FAT4: variants seen among roughly 807,000 people sequenced by gnomAD.
FAT4 encodes the protein protocadherin Fat 4.
Under a neutral mutation model 303.9 loss-of-function variants are expected in FAT4, and 84 were observed. The observed-to-expected ratio is 0.28, with a 90% CI of 0.23 to 0.33. The LOEUF is 0.33. Ranked by LOEUF, FAT4 falls within the 10% of genes least tolerant of loss-of-function variation. The pLI is 1.00. For missense variants in FAT4, 6,005 were observed against 6,146.8 expected, an observed-to-expected ratio of 0.98 and a Z score of 0.77; for synonymous variants, 2,307 against 2,298.8, an observed-to-expected ratio of 1.00 and a Z score of -0.10.
At chr4:125,401,872 T>C (rs935126311) in intron 3 of FAT4, among the ~76,000 whole-genome samples, 6 of 151,984 alleles carry the variant, frequency 3.9e-5, no homozygotes, top group Non-Finnish European at 7.4e-5. Flanking sequence ...GAATTCCTTC[T>C]ATGTGCTTTT....
chr4:125,454,887 A>T (rs566570887), intron 10 of FAT4, among the ~76,000 whole-genome samples: 2 of 152,330 alleles, frequency 1.3e-5, no homozygotes, highest in Non-Finnish European at 1.5e-5. Context: ...CAGTAATTGC[A>T]GTCTAATTAG....
chr4:125,446,738 A>C (rs111673630), intron 9 of FAT4, among the ~76,000 whole-genome samples, 195 bp downstream of exon 9: 15 of 152,140 alleles, frequency 9.9e-5, no homozygotes, highest in African/African-American at 3.6e-4. Context: ...TTCTTGCTAG[A>C]CTAATTGTGT....
At chr4:125,435,606 G>T (rs1725423634) in intron 8 of FAT4, among the ~76,000 whole-genome samples, 1 of 152,138 alleles carries the variant, frequency 6.6e-6, no homozygotes, top group Admixed American at 6.6e-5. Flanking sequence ...TCTAAGAAAT[G>T]ACCTTTAAGC....
chr4:125,408,780 C>A lies in FAT4; in HGVS notation c.5906C>A (p.Thr1969Asn). ...VGSTVLVFNV[T>N]DADDGINSQL... ...TCTACTGTTCTTGTGTTTAATGTTA[C>A]TGATGCAGATGATGGTATGTATTTT... Residue 1969 changes from threonine (T) to asparagine (N), a missense_variant, in exon 5 of 18, where the codon ACT becomes AAT. Coordinates refer to ENST00000394329, the MANE Select transcript of FAT4 (RefSeq NM_001291303.3). 1 of 1,507,378 alleles carries A rather than the reference C, an allele frequency of 6.6e-7. No homozygotes were observed. The highest frequency in any genetic ancestry group is 9.0e-7 in the Non-Finnish European group (1 of 1,115,294). 93.4% of individuals were successfully genotyped at this position (1,507,378 alleles called of 1,614,324 possible). A position where few individuals can be genotyped will look rare whatever the true frequency, so the allele number is the denominator to read the frequency against.
intron 2 of FAT4, among the ~76,000 whole-genome samples, chr4:125,375,891 G>A (rs539964808): frequency 2.0e-5 from 3 of 152,082 alleles, no homozygotes; most frequent in Admixed American, 6.6e-5. Context: ...CTGACATTAT[G>A]CAAAACTGCA....
At chr4:125,468,429 A>G (rs1726742256) in intron 11 of FAT4, 83 bp from the exon 12 acceptor site, 2 of 1,020,412 alleles carry the variant, frequency 2.0e-6, no homozygotes, top group Non-Finnish European at 2.6e-6. Flanking sequence ...ATCTCATTTT[A>G]TAATTCAAAA....
chr4:125,485,442 T>C lies in FAT4; in HGVS notation c.12823-1903T>C, dbSNP rs1255904887. Reference sequence around the variant, plus strand: ...CATTTTATTTTTACTTTTAAACTTTTGCATTAGTAACTAAGAAACAAAAAA... The same window carrying C: ...CATTTTATTTTTACTTTTAAACTTTCGCATTAGTAACTAAGAAACAAAAAA... On this transcript the variant is annotated intron_variant, in intron 16 of 17. Transcript: ENST00000394329. Among the ~76,000 whole-genome samples the C allele has an allele frequency of 8.5e-5, 13 of 152,160 alleles. 1 individual carries two copies. Among genetic ancestry groups the C allele is most frequent in the Admixed American group, 8.5e-4 (13 of 15,280 alleles).
intron 10 of FAT4, among the ~76,000 whole-genome samples, chr4:125,459,335 T>C (rs1438434861): frequency 6.6e-6 from 1 of 152,026 alleles, no homozygotes; most frequent in Non-Finnish European, 1.5e-5. Flanking sequence ...GAAAAGACCA[T>C]AGGTGATTAC....
Position 125,315,267 on chromosome 4 carries a change from C to T in FAT4, c.-723C>T, listed in dbSNP as rs534388976. Reference sequence around the variant, plus strand: ...CGGAGGGCGTCACTACAGCCCAGCGCCGACTTCGCCGCCTCCGCTGCCAAC... The same window carrying T: ...CGGAGGGCGTCACTACAGCCCAGCGTCGACTTCGCCGCCTCCGCTGCCAAC... On this transcript the variant is annotated 5_prime_UTR_variant, in exon 1 of 18. Coordinates refer to ENST00000394329, the MANE Select transcript of FAT4 (RefSeq NM_001291303.3). Among the ~76,000 whole-genome samples, 4 of 152,228 alleles carry T rather than the reference C, an allele frequency of 2.6e-5. No homozygotes were observed. The highest frequency in any genetic ancestry group is 1.9e-4 in the East Asian group (1 of 5,136).
chr4:125,482,668 A>G (rs1339449355), intron 16 of FAT4, among the ~76,000 whole-genome samples: 6 of 152,176 alleles, frequency 3.9e-5, no homozygotes, highest in Admixed American at 3.9e-4. Context: ...TCAATATTTA[A>G]TAACTACTCC....
At chr4:125,426,814 G>A (rs990817090) in intron 7 of FAT4, among the ~76,000 whole-genome samples, 1 of 151,758 alleles carries the variant, frequency 6.6e-6, no homozygotes, top group African/African-American at 2.4e-5. Context: ...CTTTGAAATG[G>A]CAATAAACTA....
rs770333760 is a variant in FAT4, at chr4:125,450,504, C to G, written c.9494C>G (p.Thr3165Arg). Residue 3165 changes from threonine (T) to arginine (R), a missense_variant, in exon 10 of 18, where the codon ACG becomes AGG. Transcript: ENST00000394329. ...DYELCQKHEMTISAIDGGWVA... is the reference protein window; with the variant it reads ...DYELCQKHEMRISAIDGGWVA... ...GAGCTATGCCAGAAACACGAAATGA[C>G]GATTAGTGCTATAGATGGAGGATGG... 4 of 1,614,028 alleles carry G rather than the reference C, an allele frequency of 2.5e-6. No homozygotes were observed. The South Asian group carries it at 4.4e-5, about 18-fold the overall frequency.
In FAT4 at chr4:125,477,306, G is replaced by C. The variant is rs1560631738; in HGVS notation, c.12451G>C (p.Ala4151Pro). 2 of 1,581,272 alleles carry C rather than the reference G, an allele frequency of 1.3e-6. No individual in the cohort carries two copies. Among genetic ancestry groups the C allele is most frequent in the South Asian group, 1.1e-5 (1 of 87,892 alleles). ...VNGRPLEPSQ[A>P]LAAQGILDQC... is the part of the protein sequence containing the mutation. ...TGGAAGGCCTCTGGAACCCAGCCAA[G>C]CTTTGGCAGCACAAGGCATCCTAGA... The change falls in exon 14 of 18, where the codon GCT becomes CCT. Residue 4151 changes from alanine (A) to proline (P), a missense_variant. By Grantham distance (27) the Ala-to-Pro change is conservative. Coordinates refer to ENST00000394329, the MANE Select transcript of FAT4 (RefSeq NM_001291303.3).
chr4:125,383,087 C>G (rs1375372795), intron 2 of FAT4, among the ~76,000 whole-genome samples: 3 of 152,114 alleles, frequency 2.0e-5, no homozygotes, highest in Non-Finnish European at 2.9e-5. Context: ...GTTTTCTTAT[C>G]TTTTGTGTGT....
chr4:125,398,473 C>G (rs1293414820), intron 2 of FAT4, among the ~76,000 whole-genome samples: 1 of 152,108 alleles, frequency 6.6e-6, no homozygotes, highest in Non-Finnish European at 1.5e-5. Context: ...CTTGGCAGTT[C>G]CATAGTGATG....
At chr4:125,374,697 G>A (rs1733247838) in intron 2 of FAT4, among the ~76,000 whole-genome samples, 1 of 152,158 alleles carries the variant, frequency 6.6e-6, no homozygotes, top group Non-Finnish European at 1.5e-5. Flanking sequence ...ATCTAACCCA[G>A]TGAAGTATGC....
chr4:125,395,348 C>T (rs1180690197), intron 2 of FAT4, among the ~76,000 whole-genome samples: 1 of 152,102 alleles, frequency 6.6e-6, no homozygotes, highest in Non-Finnish European at 1.5e-5. Flanking sequence ...CTCACTCTGT[C>T]GCTGAGGCTG....
chr4:125,372,994 T>A (rs1246991584), intron 2 of FAT4, among the ~76,000 whole-genome samples: 1 of 152,146 alleles, frequency 6.6e-6, no homozygotes, highest in South Asian at 2.1e-4. Flanking sequence ...GTTTAAAATA[T>A]TTGAAATAAA....
chr4:125,412,531 A>G (rs572449992), intron 5 of FAT4, among the ~76,000 whole-genome samples: 108 of 151,984 alleles, frequency 7.1e-4, no homozygotes, highest in African/African-American at 2.5e-3. Context: ...CTTAAAATTT[A>G]TTACTTCCCT....
Sources: allele counts gnomAD v4.1 joint callset (sites outside exome capture counted in the v4.1 genomes callset), GRCh38; gene constraint gnomAD v4.1.1; transcripts MANE v1.5; gene names NCBI Gene and HGNC (gene_info 2026-07-23, HGNC 2026-07-21).